The following ING1 variants were observed in gnomAD, a reference collection of about 807,000 sequenced individuals.
ING1 encodes the protein inhibitor of growth protein 1.
ING1 carries 4 observed loss-of-function variants against 23.1 expected under a neutral mutation model. The ratio of observed to expected loss-of-function variants is 0.17; its 90% confidence interval spans 0.09 to 0.40. The LOEUF is 0.40. Among genes scored for constraint, ING1 ranks in the 10% least tolerant of loss-of-function variants. The pLI is 1.00. For synonymous variants in ING1, 179 were observed against 166.4 expected (o/e 1.08, Z -0.58); for missense variants, 256 against 393.8 (o/e 0.65, Z 2.96).
rs1333411893 is a variant in ING1, at chr13:110,719,897, G to A, written c.805G>A (p.Glu269Lys). The part of the protein sequence containing the change: ...ENEKTMDKAL[E>K]KSKKERAYNR ...CGAGAAGACCATGGACAAAGCCCTG[G>A]AGAAATCCAAAAAAGAGAGGGCTTA... The change falls in exon 2 of 2, where the codon GAG (glutamate) becomes AAG (lysine). Residue 269 changes from glutamate (E) to lysine (K), a missense_variant. Glu to Lys is a moderately conservative substitution (Grantham distance 56). Coordinates refer to ENST00000333219, the MANE Select transcript of ING1 (RefSeq NM_198219.3). The surrounding 1 kb of genome is among the most constrained non-coding windows in gnomAD (Gnocchi z 8.9). 2.5e-6 allele frequency: 4 copies of A among 1,606,028 alleles called. No homozygotes were observed. The Admixed American group carries it at 5.3e-5, about 21-fold the overall frequency.
At position 110,723,087 on chromosome 13, in the gene ING1, T is replaced by C. The variant is rs1256190217; in HGVS notation, c.*3155T>C. 1 of 152,226 alleles carries C rather than the reference T, an allele frequency of 6.6e-6. No homozygotes were observed. The highest frequency in any genetic ancestry group is 1.5e-5 in the Non-Finnish European group (1 of 68,038). 9.4% of individuals were successfully genotyped at this position (152,226 alleles called of 1,614,324 possible). A position where few individuals can be genotyped will look rare whatever the true frequency, so the allele number is the denominator to read the frequency against. ...GTGTTTTCGTTATGATATAATACTT[T>C]CTATTGTAAACTGGACTAAAGAAAC... On this transcript the variant is annotated 3_prime_UTR_variant, in exon 2 of 2. Coordinates refer to ENST00000333219, the MANE Select transcript of ING1 (RefSeq NM_198219.3).
chr13:110,712,843 C>A, upstream of ING1: 1 of 1,050,424 alleles, frequency 9.5e-7, no homozygotes, highest in Non-Finnish European at 1.4e-6. Context: ...GAAGCAGCTT[C>A]CCTCTCAGGC....
rs1354232114 is a variant in ING1, at chr13:110,720,779, CTAG to C, written c.*853_*855del. On this transcript the variant is annotated 3_prime_UTR_variant, in exon 2 of 2. Transcript: ENST00000333219. ...AATGAAACTTGGCCAGTTTGTTCCT[CTAG>C]TAGTATATTTAATTTTGACATAAGT... 1 of 167,016 alleles carries C rather than the reference CTAG, an allele frequency of 6.0e-6. No individual in the cohort carries two copies. The highest frequency in any genetic ancestry group is 1.9e-4 in the East Asian group (1 of 5,206). The allele number at this position is 167,016 out of a possible 1,614,324, so 10.3% of individuals were successfully genotyped here. A position where few individuals can be genotyped will look rare whatever the true frequency, so the allele number is the denominator to read the frequency against.
intron 1 of ING1, among the ~76,000 whole-genome samples, chr13:110,717,191 T>C (rs145115144): frequency 1.3e-5 from 2 of 152,344 alleles, no homozygotes; most frequent in East Asian, 3.9e-4. Flanking sequence ...ATGGTACACA[T>C]ATTTTAACAT....
At chr13:110,718,777 A>G (rs1315022387) in intron 1 of ING1, among the ~76,000 whole-genome samples, 1 of 152,074 alleles carries the variant, frequency 6.6e-6, no homozygotes, top group Non-Finnish European at 1.5e-5. Flanking sequence ...CCATGTTTAT[A>G]TAATGTTATA....
chr13:110,714,726 C>T (rs2064088682), intron 1 of ING1, among the ~76,000 whole-genome samples: 1 of 152,214 alleles, frequency 6.6e-6, no homozygotes, highest in South Asian at 2.1e-4. Context: ...GACCCGGTGC[C>T]TCGGTCCCGG....
upstream of ING1, chr13:110,713,666 CTGAA>C: frequency 1.0e-6 from 1 of 985,440 alleles, no homozygotes; most frequent in South Asian, 4.7e-5. Context: ...CGCAGCGGGG[CTGAA>C]TGTTTCCCAA....
chr13:110,714,970 G>A, intron 1 of ING1: 1 of 989,024 alleles, frequency 1.0e-6, no homozygotes, highest in East Asian at 1.1e-4. Context: ...GGGAAGGGAA[G>A]GGAAGGGGAG....
At chr13:110,718,456 G>A (rs147127516) in intron 1 of ING1, among the ~76,000 whole-genome samples, 1 of 152,136 alleles carries the variant, frequency 6.6e-6, no homozygotes, top group African/African-American at 2.4e-5. Flanking sequence ...AGCAAAGCTA[G>A]GTTTTCTGGA....
chr13:110,714,134 AC>A lies in ING1; in HGVS notation c.-14del, dbSNP rs776254909. 15 of 1,504,700 alleles carry A rather than the reference AC, an allele frequency of 1.0e-5. No individual in the cohort carries two copies. The South Asian group carries it at 1.7e-4, about 17-fold the overall frequency. 93.2% of individuals were successfully genotyped at this position (1,504,700 alleles called of 1,614,324 possible). On this transcript the variant is annotated 5_prime_UTR_variant, in exon 1 of 2. Transcript: ENST00000333219. ...GGAAAGCCGCGCCGAGTCGCCGGGG[AC>A]CTCCGGGGTGAACCATGTTGAGTCC...
intron 1 of ING1, chr13:110,715,623 C>T (rs780670371): frequency 1.6e-5 from 26 of 1,613,860 alleles, no homozygotes; most frequent in East Asian, 4.5e-5. Flanking sequence ...TCGGGTCGCT[C>T]GGCCTCCAGC....
In ING1 at chr13:110,713,998, G is replaced by A; in HGVS notation, c.-152G>A. On this transcript the variant is annotated 5_prime_UTR_variant, in exon 1 of 2. Coordinates refer to ENST00000333219, the MANE Select transcript of ING1 (RefSeq NM_198219.3). Reference sequence around the variant, plus strand: ...GGACCCGGAGGCGGCGGACGGGCTCGGCAGATGTAGCCGCCGGGCCGAAGC... The same window carrying A: ...GGACCCGGAGGCGGCGGACGGGCTCAGCAGATGTAGCCGCCGGGCCGAAGC... 2.6e-6 allele frequency: 3 copies of A among 1,147,992 alleles called. No homozygotes were observed. The highest frequency in any genetic ancestry group is 3.2e-6 in the Non-Finnish European group (3 of 933,418). The allele number at this position is 1,147,992 out of a possible 1,614,324, so 71.1% of individuals were successfully genotyped here. A position where few individuals can be genotyped will look rare whatever the true frequency, so the allele number is the denominator to read the frequency against.
At position 110,714,952 on chromosome 13, in the gene ING1, G is replaced by A. The variant is rs1236270386; in HGVS notation, c.136+667G>A. The stretch of plus-strand genomic sequence containing the variant: ...GCGGAGGACGAGGGCTTTTCTCTGT[G>A]TGCCGTAGGGAAGGGAAGGGAAGGG... On this transcript the variant is annotated intron_variant, in intron 1 of 1. Coordinates refer to ENST00000333219, the MANE Select transcript of ING1 (RefSeq NM_198219.3). 6.1e-6 allele frequency: 6 copies of A among 983,560 alleles called. No homozygotes were observed. In the African/African-American group the frequency reaches 8.7e-5, roughly 14 times the overall value. 60.9% of individuals were successfully genotyped at this position (983,560 alleles called of 1,614,324 possible).
upstream of ING1, chr13:110,713,411 G>A (rs1478690986): frequency 9.9e-7 from 1 of 1,014,780 alleles, no homozygotes; most frequent in African/African-American, 1.7e-5. Context: ...CCGCCCAACA[G>A]GCTCTGCCTC....
intron 1 of ING1, chr13:110,714,972 G>T: frequency 2.0e-6 from 2 of 989,406 alleles, no homozygotes; most frequent in Non-Finnish European, 2.4e-6. Context: ...GAAGGGAAGG[G>T]AAGGGGAGGA....
chr13:110,719,578 G>A lies in ING1; in HGVS notation c.486G>A (p.Ala162=), dbSNP rs878889369. ...RQRNNENREN[A]SSNHDHDDGA... ...GCAACAACGAGAACCGTGAGAACGC[G>A]TCCAGCAACCACGACCACGACGACG... Residue 162 remains alanine, a synonymous_variant, in exon 2 of 2, where the codon GCG becomes GCA. Coordinates refer to ENST00000333219, the MANE Select transcript of ING1 (RefSeq NM_198219.3). This position sits in a 1 kb window ranked among gnomAD's most constrained non-coding sequence, Gnocchi z 8.9. The A allele has an allele frequency of 1.9e-6, 3 of 1,611,434 alleles. No individual in the cohort carries two copies. The highest frequency in any genetic ancestry group is 2.5e-6 in the Non-Finnish European group (3 of 1,179,312).
Position 110,721,602 on chromosome 13 carries a change from AGTCTCACTCT to A in ING1, c.*1676_*1685del, listed in dbSNP as rs1566384688. On this transcript the variant is annotated 3_prime_UTR_variant, in exon 2 of 2. Coordinates refer to ENST00000333219, the MANE Select transcript of ING1 (RefSeq NM_198219.3). ...TTTTTTTTTTTTTTTTCTGAGATGG[AGTCTCACTCT>A]GTCTCCAGGCTAGAGTGCAGTGGCC... The A allele has an allele frequency of 1.1e-5, 1 of 89,934 alleles. No homozygotes were observed. Among genetic ancestry groups the A allele is most frequent in the East Asian group, 3.5e-4 (1 of 2,898 alleles). 5.6% of individuals were successfully genotyped at this position (89,934 alleles called of 1,614,324 possible).
intron 1 of ING1, chr13:110,715,772 G>T (rs779870514): frequency 5.7e-6 from 9 of 1,587,410 alleles, no homozygotes; most frequent in Middle Eastern, 1.9e-4. Flanking sequence ...CGAGTCTCCC[G>T]CTGGCCTCCT....
chr13:110,718,908 C>T (rs2064146224), intron 1 of ING1, among the ~76,000 whole-genome samples: 1 of 152,144 alleles, frequency 6.6e-6, no homozygotes, highest in African/African-American at 2.4e-5. Context: ...CTCATTTAAA[C>T]GTTTCCTCTT....
Sources: allele counts gnomAD v4.1 joint callset (sites outside exome capture counted in the v4.1 genomes callset), GRCh38; gene constraint gnomAD v4.1.1; non-coding constraint Gnocchi (gnomAD v3.1); transcripts MANE v1.5; gene names NCBI Gene and HGNC (gene_info 2026-07-23, HGNC 2026-07-21).